CCSER1: variants seen among roughly 807,000 people sequenced by gnomAD.
CCSER1 encodes coiled-coil serine rich protein 1.
A neutral mutation model predicts 82.0 loss-of-function variants in CCSER1; 41 were observed. The ratio of observed to expected loss-of-function variants is 0.50; its 90% CI spans 0.39 to 0.65. CCSER1 has a LOEUF of 0.65. Among genes scored for constraint, CCSER1 ranks in the 30% least tolerant of loss-of-function variants. The pLI is 0.00. For missense variants in CCSER1, 1,119 were observed against 1,064.2 expected (o/e 1.05, Z -0.72); for synonymous variants, 414 against 383.9 (o/e 1.08, Z -0.92).
At chr4:90,765,951 A>T (rs1376170904) in intron 7 of CCSER1, among the ~76,000 whole-genome samples, 1 of 152,216 alleles carries the variant, frequency 6.6e-6, no homozygotes, top group East Asian at 1.9e-4. Context: ...ATTTTTAAGA[A>T]ATTTATGACT....
chr4:90,205,911 C>T (rs982187284), intron 1 of CCSER1, among the ~76,000 whole-genome samples: 1 of 152,020 alleles, frequency 6.6e-6, no homozygotes, highest in Non-Finnish European at 1.5e-5. Flanking sequence ...TGACTTCTTC[C>T]TGGTTTAGTA....
chr4:90,722,071 G>T, intron 6 of CCSER1, among the ~76,000 whole-genome samples: 1 of 151,694 alleles, frequency 6.6e-6, no homozygotes, highest in Non-Finnish European at 1.5e-5. Flanking sequence ...GGAAAGTTGT[G>T]GGAGACCTCA....
intron 5 of CCSER1, among the ~76,000 whole-genome samples, chr4:90,562,279 C>T (rs1180800257): frequency 2.0e-5 from 3 of 151,854 alleles, no homozygotes; most frequent in African/African-American, 2.4e-5. Flanking sequence ...TCTGCAAAAG[C>T]CGTTCTTCAG....
chr4:90,657,351 G>A (rs987051030), intron 6 of CCSER1, among the ~76,000 whole-genome samples: 1 of 151,788 alleles, frequency 6.6e-6, no homozygotes, highest in Non-Finnish European at 1.5e-5. Flanking sequence ...TTTTTCTTTG[G>A]CTTTTTGTAG....
At chr4:90,633,061 T>A (rs1643813625) in intron 6 of CCSER1, among the ~76,000 whole-genome samples, 1 of 152,104 alleles carries the variant, frequency 6.6e-6, no homozygotes, top group South Asian at 2.1e-4. Flanking sequence ...CTCATTTTAA[T>A]TGCTAATCTT....
At chr4:90,759,682 G>A (rs1011832078) in intron 7 of CCSER1, among the ~76,000 whole-genome samples, 1 of 152,126 alleles carries the variant, frequency 6.6e-6, no homozygotes, top group Non-Finnish European at 1.5e-5. Context: ...AAGAACTCAC[G>A]AAGAACTAGA....
intron 10 of CCSER1, among the ~76,000 whole-genome samples, chr4:91,115,330 CT>C (rs1159601333): frequency 6.6e-6 from 1 of 151,698 alleles, no homozygotes; most frequent in Non-Finnish European, 1.5e-5. Context: ...TTTTTTCTTT[CT>C]TTTTTTTCTT....
At chr4:90,625,347 T>A (rs1723071429) in intron 5 of CCSER1, among the ~76,000 whole-genome samples, 1 of 152,180 alleles carries the variant, frequency 6.6e-6, no homozygotes, top group African/African-American at 2.4e-5. Context: ...AACATTAATA[T>A]TCAATACATT....
chr4:91,220,345 G>T (rs1737634855), intron 10 of CCSER1, among the ~76,000 whole-genome samples: 1 of 152,180 alleles, frequency 6.6e-6, no homozygotes, highest in South Asian at 2.1e-4. Flanking sequence ...AGGTGGCAAT[G>T]ACCTGACAGA....
At chr4:90,565,687 A>G (rs1779282127) in intron 5 of CCSER1, among the ~76,000 whole-genome samples, 1 of 152,152 alleles carries the variant, frequency 6.6e-6, no homozygotes, top group African/African-American at 2.4e-5. Flanking sequence ...TTCCTTCCGT[A>G]CCTAACTTGT....
intron 9 of CCSER1, among the ~76,000 whole-genome samples, chr4:90,981,069 C>T (rs181036076): frequency 7.6e-4 from 115 of 151,846 alleles, no homozygotes; most frequent in African/African-American, 2.7e-3. Flanking sequence ...AGCCCTCAAA[C>T]AATTACAGAA....
chr4:90,369,714 T>A (rs1747041253), intron 3 of CCSER1, among the ~76,000 whole-genome samples: 1 of 151,930 alleles, frequency 6.6e-6, no homozygotes, highest in South Asian at 2.1e-4. Flanking sequence ...AGATAAAAAT[T>A]GTTAACATTA....
At chr4:91,281,136 A>C (rs938859881) in intron 10 of CCSER1, among the ~76,000 whole-genome samples, 1 of 152,114 alleles carries the variant, frequency 6.6e-6, no homozygotes, top group African/African-American at 2.4e-5. Flanking sequence ...GTTTTGGGGA[A>C]TCTCTCCAGG....
At chr4:90,710,469 T>C (rs1235326773) in intron 6 of CCSER1, among the ~76,000 whole-genome samples, 3 of 151,970 alleles carry the variant, frequency 2.0e-5, no homozygotes, top group Non-Finnish European at 4.4e-5. Flanking sequence ...TTGGGTTTTA[T>C]ATGTAAGTCT....
At chr4:91,166,200 A>G (rs1197396254) in intron 10 of CCSER1, among the ~76,000 whole-genome samples, 1 of 152,218 alleles carries the variant, frequency 6.6e-6, no homozygotes, top group Non-Finnish European at 1.5e-5. Flanking sequence ...TTGATAAATG[A>G]TATTTCAAGA....
chr4:90,169,825 A>G (rs2153375728), intron 1 of CCSER1, among the ~76,000 whole-genome samples: 1 of 151,322 alleles, frequency 6.6e-6, no homozygotes, highest in Non-Finnish European at 1.5e-5. Context: ...TGGGTTACAC[A>G]TGTACTTATC....
chr4:91,160,749 G>C (rs1731304337), intron 10 of CCSER1, among the ~76,000 whole-genome samples: 1 of 151,524 alleles, frequency 6.6e-6, no homozygotes, highest in South Asian at 2.1e-4. Flanking sequence ...TGTTGTTGTT[G>C]TTGTTGTTTT....
At chr4:91,459,137 T>C (rs1756360546) in intron 10 of CCSER1, among the ~76,000 whole-genome samples, 1 of 76,976 alleles carries the variant, frequency 1.3e-5, no homozygotes, top group Non-Finnish European at 2.7e-5. Context: ...GTTTACAAAG[T>C]CTTTTTTTAA....
At chr4:91,156,007 C>T (rs1730779663) in intron 10 of CCSER1, among the ~76,000 whole-genome samples, 1 of 151,520 alleles carries the variant, frequency 6.6e-6, no homozygotes, top group African/African-American at 2.4e-5. Context: ...TATTAAGACC[C>T]TATGTTTTAG....
Sources: gnomAD v4.1 joint callset for allele counts (sites outside exome capture counted in the v4.1 genomes callset) on GRCh38, gnomAD v4.1.1 for gene constraint, MANE v1.5 for transcripts, NCBI Gene and HGNC (gene_info 2026-07-23, HGNC 2026-07-21) for gene names.